GPC5: variants seen among roughly 807,000 people sequenced by gnomAD.
GPC5 encodes glypican 5, also known as glypican-5.
In GPC5, 47 loss-of-function variants were observed where a neutral mutation model predicts 53.9. The ratio of observed to expected loss-of-function variants is 0.87; its 90% CI spans 0.69 to 1.11. The LOEUF (loss-of-function observed/expected upper bound fraction) is 1.11. Among genes scored for constraint, GPC5 ranks in the 50% most tolerant of loss-of-function variants. The pLI is 0.00. For synonymous variants in GPC5, 286 were observed against 263.3 expected, an observed-to-expected ratio of 1.09 and a Z score of -0.84; for missense variants, 748 against 713.1, an observed-to-expected ratio of 1.05 and a Z score of -0.56.
At chr13:91,966,233 C>T (rs2040179418) in intron 6 of GPC5, among the ~76,000 whole-genome samples, 1 of 152,106 alleles carries the variant, frequency 6.6e-6, no homozygotes, top group South Asian at 2.1e-4. Flanking sequence ...TACAGAACAA[C>T]TTACTTTAAC....
intron 7 of GPC5, among the ~76,000 whole-genome samples, chr13:92,480,801 G>T (rs1879320114): frequency 6.6e-6 from 1 of 152,054 alleles, no homozygotes; most frequent in South Asian, 2.1e-4. Flanking sequence ...GGAAATGAAG[G>T]GATTAACCTG....
At chr13:91,958,934 A>G (rs921758067) in intron 6 of GPC5, among the ~76,000 whole-genome samples, 3 of 152,132 alleles carry the variant, frequency 2.0e-5, no homozygotes, top group African/African-American at 7.2e-5. Flanking sequence ...AACCAGTAAG[A>G]TTTCAAATAA....
intron 5 of GPC5, among the ~76,000 whole-genome samples, chr13:91,870,186 A>G (rs2039128647): frequency 6.6e-6 from 1 of 152,124 alleles, no homozygotes. Flanking sequence ...TCTCTTTTTG[A>G]TACTGTTACT....
chr13:92,300,558 A>AG (rs1320640500), intron 7 of GPC5, among the ~76,000 whole-genome samples: 44 of 152,336 alleles, frequency 2.9e-4, no homozygotes, highest in African/African-American at 1.0e-3. Context: ...AGTCAAGAGA[A>AG]GTTAATTCAA....
chr13:91,649,682 C>T (rs1025559975), intron 2 of GPC5, among the ~76,000 whole-genome samples: 3 of 152,172 alleles, frequency 2.0e-5, no homozygotes, highest in African/African-American at 7.2e-5. Context: ...TCAGCAGTCC[C>T]AGGGGCCTTT....
intron 6 of GPC5, among the ~76,000 whole-genome samples, chr13:91,933,497 G>A (rs1418987431): frequency 6.6e-6 from 1 of 151,844 alleles, no homozygotes; most frequent in East Asian, 1.9e-4. Flanking sequence ...CCCTGCAAAG[G>A]TCTGGGTATT....
chr13:91,862,759 G>A (rs951193966), intron 5 of GPC5, among the ~76,000 whole-genome samples: 1 of 151,732 alleles, frequency 6.6e-6, no homozygotes, highest in African/African-American at 2.4e-5. Context: ...TAATTTTCAA[G>A]CCCCCATTAA....
At chr13:91,809,733 A>C (rs1241455190) in intron 5 of GPC5, among the ~76,000 whole-genome samples, 2 of 152,078 alleles carry the variant, frequency 1.3e-5, no homozygotes, top group Non-Finnish European at 2.9e-5. Context: ...CACAGAATAC[A>C]TATGGCCCAA....
At chr13:91,931,807 G>A (rs933804596) in intron 6 of GPC5, among the ~76,000 whole-genome samples, 4 of 151,958 alleles carry the variant, frequency 2.6e-5, no homozygotes, top group African/African-American at 7.2e-5. Flanking sequence ...CTTCACCTCA[G>A]AGTCTCTTAG....
intron 7 of GPC5, among the ~76,000 whole-genome samples, chr13:92,425,208 T>TA (rs1490782447): frequency 2.0e-5 from 3 of 152,042 alleles, no homozygotes; most frequent in Non-Finnish European, 4.4e-5. Flanking sequence ...CCTTTATTTA[T>TA]AAAAGACATA....
intron 6 of GPC5, among the ~76,000 whole-genome samples, chr13:91,971,307 G>A (rs1302578254): frequency 3.3e-5 from 5 of 151,988 alleles, no homozygotes. Flanking sequence ...GGGATCGGTG[G>A]TGATATCCCC....
intron 2 of GPC5, among the ~76,000 whole-genome samples, chr13:91,631,637 G>T (rs1038458363): frequency 2.6e-5 from 4 of 152,012 alleles, no homozygotes; most frequent in African/African-American, 9.7e-5. Context: ...TCAAAGGGAG[G>T]CTTTATCTCC....
chr13:92,785,057 A>T (rs1241318714), intron 7 of GPC5, among the ~76,000 whole-genome samples: 1 of 152,042 alleles, frequency 6.6e-6, no homozygotes, highest in African/African-American at 2.4e-5. Context: ...CGTGTGGATC[A>T]CTTGAGGTCA....
At chr13:92,348,410 T>C (rs915126050) in intron 7 of GPC5, among the ~76,000 whole-genome samples, 1 of 152,092 alleles carries the variant, frequency 6.6e-6, no homozygotes, top group African/African-American at 2.4e-5. Context: ...ATACTCAACA[T>C]TGGAGCACCT....
chr13:92,610,598 T>C lies in GPC5; in HGVS notation c.1562-255684T>C, dbSNP rs151239477. Among the ~76,000 whole-genome samples, 289 of 152,328 alleles carry C rather than the reference T, an allele frequency of 1.9e-3. 1 individual carries two copies. The highest frequency in any genetic ancestry group is 6.8e-3 in the African/African-American group (281 of 41,576). On this transcript the variant is annotated intron_variant, in intron 7 of 7. Transcript: ENST00000377067. ...AAGGAAAAATTAAGATTAATCTCTT[T>C]ATTAGTCTGTTTTCATACTGCTATA...
chr13:92,198,165 G>GA (rs1277119827), intron 7 of GPC5, among the ~76,000 whole-genome samples: 1 of 152,084 alleles, frequency 6.6e-6, no homozygotes, highest in Non-Finnish European at 1.5e-5. Flanking sequence ...TTACATCAGA[G>GA]AAATTATCCC....
chr13:91,568,574 G>A (rs891150321), intron 2 of GPC5, among the ~76,000 whole-genome samples: 2 of 149,268 alleles, frequency 1.3e-5, no homozygotes, highest in Non-Finnish European at 3.0e-5. Context: ...AAAAAAAAAG[G>A]CATGAAAGTT....
At position 92,125,923 on chromosome 13, in the gene GPC5, G is replaced by GTTTTTTTTTTTTTTTTTT. The variant is rs1566446337; in HGVS notation, c.1402-18907_1402-18906insTTTTTTTTTTTTTTTTTT. 4.1e-4 allele frequency among the ~76,000 whole-genome samples: 17 copies of GTTTTTTTTTTTTTTTTTT among 41,536 alleles called. 8 individuals are homozygous for GTTTTTTTTTTTTTTTTTT. Among genetic ancestry groups the GTTTTTTTTTTTTTTTTTT allele is most frequent in the South Asian group, 2.9e-3 (2 of 684 alleles). 27.2% of individuals were successfully genotyped at this position (41,536 alleles called of 152,430 possible). Reference sequence around the variant, plus strand: ...ATTAGAAAGGAAACATTTGTTTTTTGGTTTTTTTTTTTTTTTTTTTTTTTT... The same window carrying GTTTTTTTTTTTTTTTTTT: ...ATTAGAAAGGAAACATTTGTTTTTTGTTTTTTTTTTTTTTTTTTGTTTTTTTTTTTTTTTTTTTTTTTT... On this transcript the variant is annotated intron_variant, in intron 6 of 7. Transcript: ENST00000377067.
At chr13:92,102,678 G>A (rs558410507) in intron 6 of GPC5, among the ~76,000 whole-genome samples, 1 of 152,286 alleles carries the variant, frequency 6.6e-6, no homozygotes, top group African/African-American at 2.4e-5. Flanking sequence ...ATTCATTTAG[G>A]TAATAGAAGG....
Sources: allele counts gnomAD v4.1 joint callset (sites outside exome capture counted in the v4.1 genomes callset), GRCh38; gene constraint gnomAD v4.1.1; transcripts MANE v1.5; gene names NCBI Gene and HGNC (gene_info 2026-07-23, HGNC 2026-07-21).